ARHGEF10: variants seen among roughly 807,000 people sequenced by gnomAD.
The protein encoded by ARHGEF10 is Rho guanine nucleotide exchange factor 10.
A neutral mutation model predicts 147.4 loss-of-function variants in ARHGEF10; 140 were observed. The ratio of observed to expected loss-of-function variants is 0.95; its 90% CI spans 0.83 to 1.09. The LOEUF is 1.09. ARHGEF10 is among the 50% of genes least tolerant of loss of function. The pLI is 0.00. For missense variants in ARHGEF10, 2,222 were observed against 1,752.7 expected, an observed-to-expected ratio of 1.27 and a Z score of -4.78; for synonymous variants, 902 against 695.8, an observed-to-expected ratio of 1.30 and a Z score of -4.67.
intron 5 of ARHGEF10, among the ~76,000 whole-genome samples, chr8:1,865,038 G>T (rs1806466669): frequency 6.6e-6 from 1 of 152,232 alleles, no homozygotes; most frequent in South Asian, 2.1e-4. Flanking sequence ...AACCTTAAAT[G>T]ATCTTCAAAA....
intron 6 of ARHGEF10, among the ~76,000 whole-genome samples, chr8:1,868,652 C>G (rs1423742537): frequency 2.0e-5 from 3 of 152,160 alleles, no homozygotes; most frequent in Non-Finnish European, 4.4e-5. Flanking sequence ...TTGATACTTG[C>G]TACTACTTTT....
chr8:1,855,375 A>G (rs1644699307), intron 2 of ARHGEF10, among the ~76,000 whole-genome samples: 1 of 151,716 alleles, frequency 6.6e-6, no homozygotes, highest in African/African-American at 2.4e-5. Flanking sequence ...TGGGGTGGTC[A>G]GAACAGAAAC....
rs143290224 is a variant in ARHGEF10, at chr8:1,909,390, G to T, written c.2063G>T (p.Ser688Ile). The change falls in exon 18 of 29, where the codon AGC becomes ATC. Residue 688 changes from serine to isoleucine, a missense_variant. Ser to Ile is a moderately radical substitution (Grantham distance 142). Coordinates refer to ENST00000349830, the MANE Select transcript of ARHGEF10 (RefSeq NM_014629.4). ...GHVDAIEYGS[S>I]AGTGEHSRHL... ...GTGGACGCCATCGAGTATGGCAGCA[G>T]CGCAGGCACGGGCGAGCACAGCAGG... is the stretch of plus-strand genomic sequence containing the variant. 1 of 1,614,160 alleles carries T rather than the reference G, an allele frequency of 6.2e-7. No individual in the cohort carries two copies. Among genetic ancestry groups the T allele is most frequent in the South Asian group, 1.1e-5 (1 of 91,092 alleles).
At chr8:1,903,026 A>C (rs769754711) in intron 15 of ARHGEF10, among the ~76,000 whole-genome samples, 19 of 152,128 alleles carry the variant, frequency 1.2e-4, no homozygotes, top group Non-Finnish European at 2.2e-4. Flanking sequence ...AGATTGTGAT[A>C]TGTTCATATT....
intron 21 of ARHGEF10, among the ~76,000 whole-genome samples, chr8:1,924,441 C>T (rs754737676): frequency 2.6e-5 from 4 of 152,202 alleles, no homozygotes; most frequent in Non-Finnish European, 5.9e-5. Flanking sequence ...CACATGCTTA[C>T]AGACCTGTTA....
chr8:1,857,717 C>G (rs1217495837), intron 2 of ARHGEF10, among the ~76,000 whole-genome samples: 1 of 71,736 alleles, frequency 1.4e-5, no homozygotes, highest in Non-Finnish European at 2.6e-5. Flanking sequence ...CACCCCCAGC[C>G]TCTTGTTTCT....
Position 1,957,180 on chromosome 8 carries a change from G to T in ARHGEF10, c.3952G>T (p.Val1318Leu). Residue 1318 changes from valine (V) to leucine (L), a missense_variant, in exon 29 of 29, where the codon GTG becomes TTG. By Grantham distance (32) the Val-to-Leu change is conservative. Coordinates refer to ENST00000349830, the MANE Select transcript of ARHGEF10 (RefSeq NM_014629.4). ...VVCGGQGHRR[V>L]HRKARQPHQE... ...CTGTGGAGGGCAGGGCCACCGCCGG[G>T]TGCACAGGAAGGCCCGGCAGCCCCA... The T allele has an allele frequency of 6.2e-7, 1 of 1,612,606 alleles. No individual in the cohort carries two copies. Among genetic ancestry groups the T allele is most frequent in the Non-Finnish European group, 8.5e-7 (1 of 1,180,012 alleles).
chr8:1,888,118 G>A (rs1563233366), intron 11 of ARHGEF10, among the ~76,000 whole-genome samples: 1 of 96,920 alleles, frequency 1.0e-5, no homozygotes, highest in East Asian at 2.7e-4. Context: ...GAGACACTTA[G>A]TGGGGTGAGG....
chr8:1,928,676 A>G, intron 24 of ARHGEF10, 26 bp downstream of exon 24: 3 of 1,611,676 alleles, frequency 1.9e-6, no homozygotes, highest in Non-Finnish European at 2.5e-6. Flanking sequence ...TGCGTTACAG[A>G]GAATTAGCAA....
intron 18 of ARHGEF10, among the ~76,000 whole-genome samples, chr8:1,918,712 C>T (rs1811952102): frequency 6.6e-6 from 1 of 152,216 alleles, no homozygotes; most frequent in Non-Finnish European, 1.5e-5. Context: ...ACCTTATTAA[C>T]TACATTAGAC....
chr8:1,882,784 C>A, intron 10 of ARHGEF10, 35 bp downstream of exon 10: 1 of 1,170,160 alleles, frequency 8.5e-7, no homozygotes, highest in Non-Finnish European at 1.1e-6. Flanking sequence ...GGGGAGGACA[C>A]GGGGTTGGGG....
At position 1,957,342 on chromosome 8, in the gene ARHGEF10, G is replaced by A; in HGVS notation, c.*79G>A. The A allele has an allele frequency of 1.3e-6, 2 of 1,548,238 alleles. No homozygotes were observed. The highest frequency in any genetic ancestry group is 1.9e-5 in the Admixed American group (1 of 52,726). On this transcript the variant is annotated 3_prime_UTR_variant, in exon 29 of 29. Coordinates refer to ENST00000349830, the MANE Select transcript of ARHGEF10 (RefSeq NM_014629.4). ...CTAATCCTACAGCCTGAGTGGTTAAGCTGTGTCTACACTGGTTGGGAATAA... is the reference window on the plus strand; with the variant it reads ...CTAATCCTACAGCCTGAGTGGTTAAACTGTGTCTACACTGGTTGGGAATAA...
chr8:1,888,263 G>GAGGTGAT (rs1563234295), intron 11 of ARHGEF10, among the ~76,000 whole-genome samples: 2 of 94,330 alleles, frequency 2.1e-5, no homozygotes, highest in Non-Finnish European at 2.2e-5. Context: ...AGGAGATGCT[G>GAGGTGAT]AGTGGGGCTG....
chr8:1,908,534 C>G (rs1250545642), intron 17 of ARHGEF10, among the ~76,000 whole-genome samples: 2 of 152,092 alleles, frequency 1.3e-5, no homozygotes. Context: ...GCCCGGCCCA[C>G]ACTTTGATTT....
intron 28 of ARHGEF10, among the ~76,000 whole-genome samples, chr8:1,954,977 C>T (rs986628817): frequency 2.8e-4 from 42 of 148,144 alleles, no homozygotes; most frequent in Non-Finnish European, 4.6e-4. Context: ...AGGAGGTGCA[C>T]TCTCACTGTT....
rs557480241 is a variant in ARHGEF10 at position 1,828,388 on chromosome 8, C to T, written c.-48+4275C>T. On this transcript the variant is annotated intron_variant, in intron 1 of 28. Coordinates refer to ENST00000349830, the MANE Select transcript of ARHGEF10 (RefSeq NM_014629.4). The stretch of plus-strand genomic sequence containing the variant: ...TTTTAAGGAATTACATTTTGATAAA[C>T]CGTGGCATGCACACTTACTGTTTTA... 3.9e-5 allele frequency among the ~76,000 whole-genome samples: 6 copies of T among 152,168 alleles called. No individual in the cohort carries two copies. The East Asian group carries it at 1.2e-3, about 29-fold the overall frequency.
At chr8:1,853,445 C>T (rs181450652) in intron 2 of ARHGEF10, among the ~76,000 whole-genome samples, 121 of 152,388 alleles carry the variant, frequency 7.9e-4, no homozygotes, top group African/African-American at 2.7e-3. Context: ...CACGTTGTAT[C>T]TCCTGAGATG....
rs539336303 is a variant in ARHGEF10 at position 1,854,214 on chromosome 8, C to T, written c.38-3746C>T. Among the ~76,000 whole-genome samples, 303 of 152,304 alleles carry T rather than the reference C, an allele frequency of 2.0e-3. 3 individuals are homozygous for T. The highest frequency in any genetic ancestry group is 9.4e-4 in the Non-Finnish European group (64 of 68,010). On this transcript the variant is annotated intron_variant, in intron 2 of 28. Coordinates refer to ENST00000349830, the MANE Select transcript of ARHGEF10 (RefSeq NM_014629.4). ...CTCAGCACACACCACCTTGAACGCC[C>T]GGCCCCATGCTCACCTCAGAGGGCG...
intron 1 of ARHGEF10, chr8:1,826,113 G>T: frequency 3.1e-6 from 5 of 1,594,626 alleles, no homozygotes; most frequent in Non-Finnish European, 3.4e-6. Context: ...ATAGACAGAT[G>T]AGACCTCCAG....
Sources: allele counts gnomAD v4.1 joint callset (sites outside exome capture counted in the v4.1 genomes callset), GRCh38; gene constraint gnomAD v4.1.1; transcripts MANE v1.5; gene names NCBI Gene and HGNC (gene_info 2026-07-23, HGNC 2026-07-21).